Variants in ASXL3 observed in about 807,000 individuals in gnomAD.
ASXL3 encodes ASXL transcriptional regulator 3.
In ASXL3, 34 loss-of-function variants were observed where a neutral mutation model predicts 170.6. That is an observed-to-expected ratio of 0.20 (90% CI 0.15 to 0.27). The LOEUF is 0.27. Ranked by LOEUF, ASXL3 falls within the 10% of genes least tolerant of loss-of-function variation. The probability of loss-of-function intolerance (pLI) is 1.00; values close to 1 mark genes in which losing one functional copy is unlikely to be tolerated. For missense variants in ASXL3, 2,592 were observed against 2,695.3 expected (o/e 0.96, Z 0.85); for synonymous variants, 1,002 against 989.1 (o/e 1.01, Z -0.24).
rs192297087 is a variant in ASXL3 at position 33,702,499 on chromosome 18, A to G, written c.879+18931A>G. ...TGGCCATGAGCACAGTCACCATGGA[A>G]CTCCCCTTTTCCCTGATCCCTCTGT... On this transcript the variant is annotated intron_variant, in intron 8 of 11. Coordinates refer to ENST00000269197, the MANE Select transcript of ASXL3 (RefSeq NM_030632.3). Among the ~76,000 whole-genome samples the G allele has an allele frequency of 4.9e-3, 751 of 152,052 alleles. 9 individuals carry two copies. The highest frequency in any genetic ancestry group is 0.017 in the African/African-American group (708 of 41,454).
intron 4 of ASXL3, among the ~76,000 whole-genome samples, chr18:33,648,319 A>C (rs1347274195): frequency 1.3e-5 from 2 of 152,076 alleles, no homozygotes; most frequent in East Asian, 3.9e-4. Context: ...GGATGGGATG[A>C]AAAGTGATTG....
intron 8 of ASXL3, among the ~76,000 whole-genome samples, chr18:33,715,456 G>C (rs1483718907): frequency 1.3e-5 from 2 of 152,154 alleles, no homozygotes; most frequent in Non-Finnish European, 2.9e-5. Context: ...CTTTTAAAAT[G>C]TCACTTACAC....
At position 33,604,068 on chromosome 18, in the gene ASXL3, T is replaced by A. The variant is rs113788302; in HGVS notation, c.55-3526T>A. On this transcript the variant is annotated intron_variant, in intron 1 of 11. Transcript: ENST00000269197. Reference sequence around the variant, plus strand: ...AAAGTGCTCAGATTTTCAGCAAAAATTTTTTTGAAATGGACTAAGAAAGAT... The same window carrying A: ...AAAGTGCTCAGATTTTCAGCAAAAAATTTTTTGAAATGGACTAAGAAAGAT... Among the ~76,000 whole-genome samples, 7 of 152,080 alleles carry A rather than the reference T, an allele frequency of 4.6e-5. No homozygotes were observed. In the East Asian group the frequency reaches 1.2e-3, roughly 25 times the overall value.
intron 2 of ASXL3, among the ~76,000 whole-genome samples, chr18:33,616,398 C>CTG (rs34006188): frequency 0.31 from 46,945 of 149,458 alleles, 7,674 homozygotes; most frequent in Middle Eastern, 0.42. Context: ...TTGTGTGTGC[C>CTG]TGTGTGTGTG....
chr18:33,739,179 T>G lies in ASXL3; in HGVS notation c.1775T>G (p.Met592Arg). 6.2e-7 allele frequency: 1 copy of G among 1,613,854 alleles called. No homozygotes were observed. The highest frequency in any genetic ancestry group is 8.5e-7 in the Non-Finnish European group (1 of 1,179,832). Residue 592 changes from methionine to arginine, a missense_variant, in exon 11 of 12, where the codon ATG (methionine) becomes AGG (arginine). Met to Arg is a moderately conservative substitution (Grantham distance 91). This residue lies in a region of ASXL3 where 2,246 missense variants were observed against 2,219.6 expected (regional missense o/e 1.01). Coordinates refer to ENST00000269197, the MANE Select transcript of ASXL3 (RefSeq NM_030632.3). Reference sequence around the variant, plus strand: ...CCAAATGAAGGAATTGCTATAGATATGGAGCTACAGAGTGACCCTGAAGAA... The same window carrying G: ...CCAAATGAAGGAATTGCTATAGATAGGGAGCTACAGAGTGACCCTGAAGAA... ...QFPNEGIAID[M>R]ELQSDPEEQL...
At position 33,645,015 on chromosome 18, in the gene ASXL3, G is replaced by T. The variant is rs893298832; in HGVS notation, c.246+13G>T. On this transcript the variant is annotated intron_variant, in intron 3 of 11. Coordinates refer to ENST00000269197, the MANE Select transcript of ASXL3 (RefSeq NM_030632.3). Reference sequence around the variant, plus strand: ...CTATGCTCTCAAAGTAAGTTGCATTGTTCTGCATATTGTTATTACTATTAT... The same window carrying T: ...CTATGCTCTCAAAGTAAGTTGCATTTTTCTGCATATTGTTATTACTATTAT... 10 of 1,476,002 alleles carry T rather than the reference G, an allele frequency of 6.8e-6. No homozygotes were observed. Among genetic ancestry groups the T allele is most frequent in the Admixed American group, 2.0e-5 (1 of 49,632 alleles). 91.4% of individuals were successfully genotyped at this position (1,476,002 alleles called of 1,614,324 possible).
At chr18:33,663,101 A>G (rs2066203094) in intron 5 of ASXL3, among the ~76,000 whole-genome samples, 1 of 152,208 alleles carries the variant, frequency 6.6e-6, no homozygotes, top group Admixed American at 6.5e-5. Context: ...TTTAGATGCC[A>G]GAGAACAAAA....
intron 10 of ASXL3, among the ~76,000 whole-genome samples, chr18:33,734,916 G>A (rs2067518722): frequency 6.6e-6 from 1 of 152,076 alleles, no homozygotes; most frequent in East Asian, 1.9e-4. Flanking sequence ...TTATCTGTAT[G>A]TGTGCTGCTT....
intron 1 of ASXL3, among the ~76,000 whole-genome samples, chr18:33,588,781 A>G (rs2065054438): frequency 6.6e-6 from 1 of 152,094 alleles, no homozygotes; most frequent in Non-Finnish European, 1.5e-5. Context: ...CATAGCAACA[A>G]TGAAGTCCAC....
chr18:33,720,234 GTCTA>G (rs1387977994), intron 8 of ASXL3, among the ~76,000 whole-genome samples: 2 of 152,044 alleles, frequency 1.3e-5, no homozygotes, highest in African/African-American at 2.4e-5. Context: ...AGCAGAAGCT[GTCTA>G]TCTGTTTCAC....
intron 8 of ASXL3, among the ~76,000 whole-genome samples, chr18:33,707,352 A>G (rs941166632): frequency 3.3e-5 from 5 of 151,954 alleles, no homozygotes; most frequent in Non-Finnish European, 7.4e-5. Context: ...ATCCATGACC[A>G]TAACTTGTCT....
intron 2 of ASXL3, among the ~76,000 whole-genome samples, chr18:33,617,254 G>A (rs1270198624): frequency 2.6e-5 from 4 of 152,098 alleles, no homozygotes; most frequent in African/African-American, 9.7e-5. Context: ...TACTTTGGGA[G>A]GCTGGGGTGG....
intron 6 of ASXL3, among the ~76,000 whole-genome samples, chr18:33,671,203 A>G (rs2145255071): frequency 6.6e-6 from 1 of 152,234 alleles, no homozygotes; most frequent in Admixed American, 6.5e-5. Flanking sequence ...AAATCCTTTT[A>G]TTAGTTTTTG....
At chr18:33,714,722 G>A (rs567575735) in intron 8 of ASXL3, among the ~76,000 whole-genome samples, 2 of 151,840 alleles carry the variant, frequency 1.3e-5, no homozygotes, top group African/African-American at 4.8e-5. Flanking sequence ...GTTCCACCAG[G>A]CCCCCAACTC....
intron 4 of ASXL3, among the ~76,000 whole-genome samples, chr18:33,659,519 T>C (rs2066138731): frequency 1.3e-5 from 2 of 152,140 alleles, no homozygotes; most frequent in African/African-American, 4.8e-5. Context: ...TCATATATTT[T>C]ATCTGCCGTC....
At chr18:33,618,422 G>A (rs2065462085) in intron 2 of ASXL3, among the ~76,000 whole-genome samples, 1 of 152,078 alleles carries the variant, frequency 6.6e-6, no homozygotes, top group Non-Finnish European at 1.5e-5. Flanking sequence ...ATGCAGGGTG[G>A]TTAGTTGTCA....
intron 8 of ASXL3, among the ~76,000 whole-genome samples, chr18:33,699,690 C>A (rs1401747001): frequency 6.6e-6 from 1 of 151,928 alleles, no homozygotes; most frequent in African/African-American, 2.4e-5. Flanking sequence ...GAAAATGGAA[C>A]GTGTGCAATG....
chr18:33,743,659 A>G lies in ASXL3; in HGVS notation c.3811A>G (p.Asn1271Asp), dbSNP rs1431024957. 6.2e-7 allele frequency: 1 copy of G among 1,613,806 alleles called. No homozygotes were observed. The highest frequency in any genetic ancestry group is 1.7e-5 in the Admixed American group (1 of 60,026). Residue 1271 changes from asparagine (N) to aspartate (D), a missense_variant, in exon 12 of 12, where the codon AAC becomes GAC. Coordinates refer to ENST00000269197, the MANE Select transcript of ASXL3 (RefSeq NM_030632.3). ...SSVLMSVDSA[N>D]TTISACNISM... ...TGTCCTAATGTCTGTTGACAGTGCA[A>G]ACACTACAATTTCTGCTTGTAATAT...
intron 8 of ASXL3, among the ~76,000 whole-genome samples, chr18:33,690,498 C>A (rs1216000096): frequency 6.6e-6 from 1 of 152,086 alleles, no homozygotes; most frequent in East Asian, 1.9e-4. Context: ...AGTATGTGAG[C>A]CTATTTACGT....
Sources: allele counts gnomAD v4.1 joint callset (sites outside exome capture counted in the v4.1 genomes callset), GRCh38; gene constraint gnomAD v4.1.1; regional missense constraint gnomAD v4.1.1; transcripts MANE v1.5; gene names NCBI Gene and HGNC (gene_info 2026-07-23, HGNC 2026-07-21).